Variants in USP6 observed in about 807,000 individuals in gnomAD.
USP6 encodes ubiquitin specific peptidase 6, also known as ubiquitin carboxyl-terminal hydrolase 6.
Under a neutral mutation model 175.7 loss-of-function variants are expected in USP6, and 128 were observed. That is an observed-to-expected ratio of 0.73 (90% CI 0.63 to 0.84). The LOEUF is 0.84. Among genes scored for constraint, USP6 ranks in the 40% least tolerant of loss-of-function variants. USP6 has a pLI of 0.00. For missense variants in USP6, 1,498 were observed against 1,760.3 expected, an observed-to-expected ratio of 0.85 and a Z score of 2.67; for synonymous variants, 562 against 630.6, an observed-to-expected ratio of 0.89 and a Z score of 1.63.
Position 5,139,331 on chromosome 17 carries a change from T to C in USP6, c.1155T>C (p.Tyr385=), listed in dbSNP as rs1242901505. ...SRGGKTLCKG[Y]RQAPPGPPAQ... is the part of the protein sequence containing the mutation. ...GTGGGAAGACCCTCTGCAAGGGGTA[T>C]AGGCAGGCCCCTCCAGGCCCACCAG... The change falls in exon 22 of 38, where the codon TAT becomes TAC. Residue 385 remains tyrosine (Y), a synonymous_variant. Transcript: ENST00000574788. 1 of 1,612,104 alleles carries C rather than the reference T, an allele frequency of 6.2e-7. No individual in the cohort carries two copies. Among genetic ancestry groups the C allele is most frequent in the Non-Finnish European group, 8.5e-7 (1 of 1,180,012 alleles).
At chr17:5,170,363 C>T in intron 35 of USP6, 116 bp from the exon 36 acceptor site, 1 of 1,450,496 alleles carries the variant, frequency 6.9e-7, no homozygotes, top group South Asian at 1.4e-5. Flanking sequence ...AGTCATGACT[C>T]CCCTGTCTTT....
intron 31 of USP6, among the ~76,000 whole-genome samples, chr17:5,159,294 G>A (rs1164007516): frequency 6.6e-6 from 1 of 152,178 alleles, no homozygotes; most frequent in African/African-American, 2.4e-5. Flanking sequence ...AGATTTTGGA[G>A]GTAGAAAAGT....
chr17:5,136,633 T>C lies in USP6; in HGVS notation c.665-7T>C, dbSNP rs187467491. On this transcript the variant is annotated splice_region_variant and splice_polypyrimidine_tract_variant and intron_variant, in intron 17 of 37. Transcript: ENST00000574788. ...TCTGATTTCATGATGGGCTGGGGGC[T>C]TCTCAGGATTCCACAGCCCAAATGG... The C allele has an allele frequency of 1.3e-3, 2,143 of 1,611,574 alleles. 25 individuals are homozygous for C. The African/African-American group carries it at 0.025, about 18-fold the overall frequency.
rs1598033332 is a variant in USP6 at position 5,141,999 on chromosome 17, C to G, written c.1574-4C>G. 6.2e-7 allele frequency: 1 copy of G among 1,611,462 alleles called. No individual in the cohort carries two copies. The highest frequency in any genetic ancestry group is 2.2e-5 in the East Asian group (1 of 44,846). On this transcript the variant is annotated splice_region_variant and splice_polypyrimidine_tract_variant and intron_variant, in intron 23 of 37. Coordinates refer to ENST00000574788, the MANE Select transcript of USP6 (RefSeq NM_001304284.2). ...AGCTTTGGTTCTCATATTGTTTGTT[C>G]CAGTTCCCACAGAAAAGGGAGCCAC...
chr17:5,132,216 C>T lies in USP6; in HGVS notation c.156-180C>T. On this transcript the variant is annotated intron_variant, in intron 11 of 37. Transcript: ENST00000574788. This position sits in a 1 kb window ranked among gnomAD's most constrained non-coding sequence, Gnocchi z 4.7. ...CCTGCACTCCTTCTTCTCCCAGGTC[C>T]TGCCCCTCCTGGGAGTCAGAGCCAC... The T allele has an allele frequency of 6.4e-7, 1 of 1,561,862 alleles. No homozygotes were observed.
chr17:5,159,541 T>C (rs2073962603), intron 31 of USP6, among the ~76,000 whole-genome samples: 1 of 152,152 alleles, frequency 6.6e-6, no homozygotes, highest in South Asian at 2.1e-4. Context: ...GGTGGCATAA[T>C]TCAGTAGCAC....
In USP6 at chr17:5,137,143, A is replaced by T. The variant is rs2073280721; in HGVS notation, c.782A>T (p.Gln261Leu). The T allele has an allele frequency of 1.2e-6, 2 of 1,613,394 alleles. No individual in the cohort carries two copies. ...WHQDKEGLCG[Q>L]CASLGCLLRN... Reference sequence around the variant, plus strand: ...CAGGACAAGGAAGGTCTATGCGGGCAGTGTGCCTCGTTAGGCTGCCTTCTC... The same window carrying T: ...CAGGACAAGGAAGGTCTATGCGGGCTGTGTGCCTCGTTAGGCTGCCTTCTC... Residue 261 changes from glutamine (Q) to leucine (L), a missense_variant, in exon 19 of 38, where the codon CAG becomes CTG. This residue lies in a region of USP6 where 1,217 missense variants were observed against 1,500.8 expected (regional missense o/e 0.81). Coordinates refer to ENST00000574788, the MANE Select transcript of USP6 (RefSeq NM_001304284.2).
chr17:5,171,526 C>T, intron 36 of USP6, 61 bp from the exon 37 acceptor site: 1 of 1,514,906 alleles, frequency 6.6e-7, no homozygotes, highest in Non-Finnish European at 9.1e-7. Flanking sequence ...GATCTTAGTG[C>T]TATACCCTGG....
At chr17:5,120,028 C>T (rs1277867484) in intron 2 of USP6, among the ~76,000 whole-genome samples, 6 of 152,098 alleles carry the variant, frequency 3.9e-5, no homozygotes, top group East Asian at 3.8e-4. Context: ...AAGGTCCTGC[C>T]GGGGCAGTCA....
chr17:5,141,552 C>T (rs1287135905), intron 23 of USP6, 53 bp downstream of exon 23: 10 of 1,446,738 alleles, frequency 6.9e-6, no homozygotes, highest in African/African-American at 1.5e-5. Context: ...TATTTTTTTT[C>T]TTCTTTCAAC....
intron 30 of USP6, among the ~76,000 whole-genome samples, chr17:5,150,786 C>T (rs1245442000): frequency 6.6e-6 from 1 of 152,104 alleles, no homozygotes; most frequent in Non-Finnish European, 1.5e-5. Context: ...AACCACTGCA[C>T]CCAGCCCAGA....
chr17:5,137,206 C>G lies in USP6; in HGVS notation c.825+20C>G, dbSNP rs1205181522. On this transcript the variant is annotated intron_variant, in intron 19 of 37. Transcript: ENST00000574788. ...GACGGGGTAAGGAGGCATAGGGAGA[C>G]CCTGGCTCAGGGACCCTCCTTGCCC... The G allele has an allele frequency of 1.9e-6, 3 of 1,611,560 alleles. No homozygotes were observed. Among genetic ancestry groups the G allele is most frequent in the Admixed American group, 1.7e-5 (1 of 59,960 alleles).
In USP6 at chr17:5,132,490, G is replaced by A; in HGVS notation, c.195+55G>A. 14 of 1,611,956 alleles carry A rather than the reference G, an allele frequency of 8.7e-6. No homozygotes were observed. Among genetic ancestry groups the A allele is most frequent in the Non-Finnish European group, 1.1e-5 (13 of 1,179,804 alleles). On this transcript the variant is annotated intron_variant, in intron 12 of 37. Transcript: ENST00000574788. The surrounding 1 kb of genome is among the most constrained non-coding windows in gnomAD (Gnocchi z 4.7). The stretch of plus-strand genomic sequence containing the variant: ...CCAGGGACGTAGGGACTGGGCGGGT[G>A]GTCAGTGAGGCAGAGGAAGCAGCTG...
chr17:5,147,073 G>GT lies in USP6; in HGVS notation c.2320-7dup. The GT allele has an allele frequency of 6.2e-7, 1 of 1,607,748 alleles. No individual in the cohort carries two copies. Among genetic ancestry groups the GT allele is most frequent in the East Asian group, 2.2e-5 (1 of 44,646 alleles). ...ATCTCCCCCTTCTCATCTTGCTGCTGTTTCTGTAGAACTTTCCTCAGGATA... is the reference window on the plus strand; with the variant it reads ...ATCTCCCCCTTCTCATCTTGCTGCTGTTTTCTGTAGAACTTTCCTCAGGATA... On this transcript the variant is annotated splice_polypyrimidine_tract_variant and intron_variant, in intron 28 of 37. Transcript: ENST00000574788.
intron 30 of USP6, among the ~76,000 whole-genome samples, chr17:5,150,161 A>G (rs2073723993): frequency 6.6e-6 from 1 of 152,006 alleles, no homozygotes; most frequent in Non-Finnish European, 1.5e-5. Context: ...GCATGGTGGC[A>G]CACGACTGTA....
At position 5,146,314 on chromosome 17, in the gene USP6, C is replaced by T. The variant is rs181258513; in HGVS notation, c.2319+140C>T. On this transcript the variant is annotated intron_variant, in intron 28 of 37. Transcript: ENST00000574788. The stretch of plus-strand genomic sequence containing the variant: ...GAAAACTGAACAACAACAAAAAATG[C>T]CAAGTTTTCCAACCCAGAAACTTAA... 21 of 1,204,490 alleles carry T rather than the reference C, an allele frequency of 1.7e-5. No individual in the cohort carries two copies. The East Asian group carries it at 4.5e-4, about 26-fold the overall frequency. 74.6% of individuals were successfully genotyped at this position (1,204,490 alleles called of 1,614,324 possible).
intron 32 of USP6, among the ~76,000 whole-genome samples, chr17:5,162,367 C>T (rs1199814622): frequency 2.0e-5 from 3 of 152,088 alleles, no homozygotes; most frequent in African/African-American, 7.2e-5. Context: ...AAACTGGTCT[C>T]GAACTCCTGA....
chr17:5,126,334 GC>G (rs1052711186), intron 6 of USP6, among the ~76,000 whole-genome samples: 2 of 152,266 alleles, frequency 1.3e-5, no homozygotes, highest in Admixed American at 1.3e-4. Flanking sequence ...GGATCCTTGA[GC>G]CCAGGAAGGC....
At position 5,137,087 on chromosome 17, in the gene USP6, A is replaced by AG. The variant is rs764508201; in HGVS notation, c.760-29dup. 65 of 1,611,190 alleles carry AG rather than the reference A, an allele frequency of 4.0e-5. No individual in the cohort carries two copies. In the East Asian group the frequency reaches 1.4e-3, roughly 36 times the overall value. On this transcript the variant is annotated intron_variant, in intron 18 of 37. Transcript: ENST00000574788. ...AAGATGGAGGTTTTTAGGGCAGCCC[A>AG]GGGGGCCCTGAGCACCTCTGTTCAT...
Sources: allele counts gnomAD v4.1 joint callset (sites outside exome capture counted in the v4.1 genomes callset), GRCh38; gene constraint gnomAD v4.1.1; regional missense constraint gnomAD v4.1.1; non-coding constraint Gnocchi (gnomAD v3.1); transcripts MANE v1.5; gene names NCBI Gene and HGNC (gene_info 2026-07-23, HGNC 2026-07-21).